Variants in NEBL observed in about 807,000 individuals in gnomAD.
NEBL encodes LIM and SH3 protein 2.
In NEBL, 122 loss-of-function variants were observed where a neutral mutation model predicts 140.2. The observed-to-expected ratio is 0.87, with a 90% CI of 0.75 to 1.01. NEBL has a LOEUF of 1.01. NEBL is among the 50% of genes least tolerant of loss of function. NEBL has a pLI of 0.00. For synonymous variants in NEBL, 436 were observed against 398.9 expected, an observed-to-expected ratio of 1.09 and a Z score of -1.11; for missense variants, 1,365 against 1,231.3, an observed-to-expected ratio of 1.11 and a Z score of -1.62.
intron 4 of NEBL, among the ~76,000 whole-genome samples, chr10:20,914,961 T>A (rs1159193204): frequency 7.3e-6 from 1 of 136,402 alleles, no homozygotes; most frequent in Admixed American, 8.3e-5. Flanking sequence ...GCCTCCCAAG[T>A]GGCTGGGATT....
chr10:20,942,374 C>G (rs1183456429), intron 4 of NEBL, among the ~76,000 whole-genome samples: 3 of 152,292 alleles, frequency 2.0e-5, no homozygotes, highest in South Asian at 4.1e-4. Context: ...GCTGGGAAAA[C>G]TGGCTAGCCA....
chr10:21,202,112 T>G (rs970365936), intron 3 of NEBL, among the ~76,000 whole-genome samples: 6 of 152,168 alleles, frequency 3.9e-5, no homozygotes. Flanking sequence ...AGAAAATCTA[T>G]GCAGGTCATA....
intron 19 of NEBL, among the ~76,000 whole-genome samples, chr10:20,822,909 C>A (rs574053941): frequency 6.6e-6 from 1 of 152,104 alleles, no homozygotes; most frequent in Non-Finnish European, 1.5e-5. Context: ...TTGTACCCAA[C>A]AATATTTCAC....
Position 20,897,011 on chromosome 10 carries a change from T to C in NEBL, c.100A>G (p.Ile34Val). The change falls in exon 2 of 28, where the codon ATT becomes GTT. Residue 34 changes from isoleucine (I) to valine (V), a missense_variant. Physicochemically the swap from Ile to Val is conservative, Grantham distance 29 (BLOSUM62 3). Coordinates refer to ENST00000377122, the MANE Select transcript of NEBL (RefSeq NM_006393.3). ...EEDQVFYKPV[I>V]EDLSMELARK... ...GCCAATTCCATGCTTAAGTCTTCAA[T>C]AACAGGCTTATAGAAGACCTATTTG... 1 of 1,613,950 alleles carries C rather than the reference T, an allele frequency of 6.2e-7. No individual in the cohort carries two copies. Among genetic ancestry groups the C allele is most frequent in the Non-Finnish European group, 8.5e-7 (1 of 1,179,916 alleles).
upstream of NEBL, chr10:21,174,694 C>G (rs1841255817): frequency 6.6e-6 from 1 of 152,186 alleles, no homozygotes; most frequent in East Asian, 1.9e-4. Flanking sequence ...GACCTGCGTC[C>G]CAGAGGGGCC....
chr10:21,207,298 G>A (rs1277782914), intron 3 of NEBL, among the ~76,000 whole-genome samples: 1 of 152,068 alleles, frequency 6.6e-6, no homozygotes, highest in Non-Finnish European at 1.5e-5. Flanking sequence ...TCTAATGTCA[G>A]ACATCCTATC....
At chr10:20,927,079 G>A (rs1044206271) in intron 4 of NEBL, among the ~76,000 whole-genome samples, 2 of 152,144 alleles carry the variant, frequency 1.3e-5, no homozygotes, top group African/African-American at 4.8e-5. Flanking sequence ...GAGTTTCAAC[G>A]CGACTGCATG....
chr10:20,857,672 A>G (rs1333424103), intron 9 of NEBL, among the ~76,000 whole-genome samples: 1 of 152,166 alleles, frequency 6.6e-6, no homozygotes, highest in African/African-American at 2.4e-5. Context: ...AGGACTGACC[A>G]CGTGGGCAGT....
chr10:21,138,331 C>T (rs1399323600), intron 2 of NEBL, among the ~76,000 whole-genome samples: 1 of 152,096 alleles, frequency 6.6e-6, no homozygotes, highest in Non-Finnish European at 1.5e-5. Flanking sequence ...GGATTCCCAC[C>T]AAGCTCAACA....
intron 23 of NEBL, 151 bp from the exon 24 acceptor site, chr10:20,813,091 A>G: frequency 1.4e-6 from 1 of 706,456 alleles, no homozygotes; most frequent in South Asian, 1.7e-5. Context: ...TAAAGTCTGG[A>G]ACTTCAGTTT....
At chr10:20,826,284 GT>G (rs1839851720) in intron 18 of NEBL, among the ~76,000 whole-genome samples, 162 bp downstream of exon 18, 1 of 152,134 alleles carries the variant, frequency 6.6e-6, no homozygotes, top group Non-Finnish European at 1.5e-5. Context: ...CAAGGATACA[GT>G]TTTTGTTCTG....
intron 2 of NEBL, among the ~76,000 whole-genome samples, chr10:21,152,372 T>C (rs1300169848): frequency 6.6e-6 from 1 of 152,148 alleles, no homozygotes; most frequent in Non-Finnish European, 1.5e-5. Context: ...CCCACCTCCA[T>C]TTCCCAAAGT....
At chr10:21,206,304 G>T (rs1018322555) in intron 3 of NEBL, among the ~76,000 whole-genome samples, 3 of 152,164 alleles carry the variant, frequency 2.0e-5, no homozygotes, top group African/African-American at 7.2e-5. Flanking sequence ...ACTAAAATAA[G>T]TTATTTTGTC....
rs1564547094 is a variant in NEBL at position 21,233,848 on chromosome 10, ACATATATAGATATATATTACATATATATG to A, written n.348+14044_348+14072del. On this transcript the variant is annotated intron_variant and non_coding_transcript_variant, in intron 3 of 8. Coordinates refer to the NEBL transcript ENST00000675702. Reference sequence around the variant, plus strand: ...ATATGCATATATATGGATATATATTACATATATAGATATATATTACATATATATGCATATATAGATATATATTACATATA... The same window carrying A: ...ATATGCATATATATGGATATATATTACATATATAGATATATATTACATATA... Among the ~76,000 whole-genome samples the A allele has an allele frequency of 5.7e-5, 6 of 105,420 alleles. No homozygotes were observed. In the South Asian group the frequency reaches 1.1e-3, roughly 19 times the overall value. The allele number at this position is 105,420 out of a possible 152,430, so 69.2% of individuals were successfully genotyped here. A position where few individuals can be genotyped will look rare whatever the true frequency, so the allele number is the denominator to read the frequency against.
chr10:21,069,920 C>A, intron 2 of NEBL: 1 of 440,402 alleles, frequency 2.3e-6, no homozygotes, highest in Non-Finnish European at 4.5e-6. Flanking sequence ...CCTGATAGCG[C>A]AAGTCATGTA....
At chr10:21,255,470 A>C (rs879850954) in intron 1 of NEBL, among the ~76,000 whole-genome samples, 1 of 152,172 alleles carries the variant, frequency 6.6e-6, no homozygotes, top group Admixed American at 6.5e-5. Context: ...GCCATTAACC[A>C]CACGCAACTA....
chr10:20,984,742 C>T lies in NEBL; in HGVS notation c.250-22963G>A, dbSNP rs189484999. ...GCAGAGGTCCCCAACCCCCAGGCCA[C>T]GGACTGGTACCGGTCCATGGCCTGC... On this transcript the variant is annotated intron_variant, in intron 3 of 6. Transcript: ENST00000417816. Among the ~76,000 whole-genome samples, 676 of 152,132 alleles carry T rather than the reference C, an allele frequency of 4.4e-3. 5 individuals carry two copies. The highest frequency in any genetic ancestry group is 0.015 in the African/African-American group (638 of 41,502).
intron 2 of NEBL, among the ~76,000 whole-genome samples, chr10:21,046,718 A>G (rs955434135): frequency 6.6e-6 from 1 of 152,116 alleles, no homozygotes; most frequent in Non-Finnish European, 1.5e-5. Context: ...CTCCTGCCTC[A>G]GCCTCCCAAG....
intron 2 of NEBL, among the ~76,000 whole-genome samples, chr10:21,121,448 A>G (rs1477847723): frequency 6.6e-6 from 1 of 152,194 alleles, no homozygotes; most frequent in Non-Finnish European, 1.5e-5. Context: ...TAATTCATGA[A>G]TACCCTGCCA....
Sources: allele counts gnomAD v4.1 joint callset (sites outside exome capture counted in the v4.1 genomes callset), GRCh38; gene constraint gnomAD v4.1.1; transcripts MANE v1.5; gene names NCBI Gene and HGNC (gene_info 2026-07-23, HGNC 2026-07-21).